Variants in EFHD1 observed in about 807,000 individuals in gnomAD.
The protein encoded by EFHD1 is EF-hand domain family member D1.
Under a neutral mutation model 17.2 loss-of-function variants are expected in EFHD1, and 10 were observed. The ratio of observed to expected loss-of-function variants is 0.58; its 90% confidence interval spans 0.36 to 0.99. The LOEUF (loss-of-function observed/expected upper bound fraction) is 0.99. Ranked by LOEUF, EFHD1 falls within the 50% of genes least tolerant of loss-of-function variation. The probability of loss-of-function intolerance (pLI) is 0.01; values close to 1 mark genes in which losing one functional copy is unlikely to be tolerated. For missense variants in EFHD1, 310 were observed against 327.5 expected, an observed-to-expected ratio of 0.95 and a Z score of 0.41; for synonymous variants, 153 against 142.0, an observed-to-expected ratio of 1.08 and a Z score of -0.55.
intron 1 of EFHD1, among the ~76,000 whole-genome samples, chr2:232,645,763 C>T (rs1574716509): frequency 6.6e-6 from 1 of 152,170 alleles, no homozygotes; most frequent in Admixed American, 6.5e-5. Context: ...AAAGGAGGTA[C>T]GATATCAGAC....
chr2:232,662,309 C>A (rs990774718), intron 1 of EFHD1, among the ~76,000 whole-genome samples: 2 of 152,054 alleles, frequency 1.3e-5, no homozygotes, highest in Non-Finnish European at 2.9e-5. Flanking sequence ...GGGTGGGAAG[C>A]AACTTCCCTA....
intron 2 of EFHD1, among the ~76,000 whole-genome samples, chr2:232,671,089 GAATT>G (rs1458421323): frequency 1.3e-5 from 2 of 152,178 alleles, no homozygotes; most frequent in Admixed American, 6.5e-5. Context: ...CCCACCAGTG[GAATT>G]AATGGTTGGA....
At chr2:232,679,539 AC>A (rs1455914945) in intron 3 of EFHD1, among the ~76,000 whole-genome samples, 1 of 151,530 alleles carries the variant, frequency 6.6e-6, no homozygotes, top group Non-Finnish European at 1.5e-5. Flanking sequence ...ACATAGAGCA[AC>A]CCCATCTCTA....
At chr2:232,614,043 AACAC>A (rs1009734336) in intron 1 of EFHD1, among the ~76,000 whole-genome samples, 77 of 47,886 alleles carry the variant, frequency 1.6e-3, no homozygotes, top group Middle Eastern at 0.013. Context: ...AACATACACA[AACAC>A]ACACATACAT....
intron 1 of EFHD1, among the ~76,000 whole-genome samples, chr2:232,624,328 T>C (rs954689796): frequency 5.3e-5 from 8 of 152,162 alleles, no homozygotes; most frequent in African/African-American, 1.7e-4. Context: ...ACCACAGACA[T>C]GGATGACAGG....
chr2:232,606,781 T>G (rs914256823), intron 1 of EFHD1: 4 of 150,384 alleles, frequency 2.7e-5, no homozygotes, highest in Non-Finnish European at 5.9e-5. Context: ...TCCCAGCTAC[T>G]GGGGAGGCTG....
At position 232,641,176 on chromosome 2, in the gene EFHD1, G is replaced by A. The variant is rs148166264; in HGVS notation, c.302+7170G>A. Among the ~76,000 whole-genome samples, 110 of 152,000 alleles carry A rather than the reference G, an allele frequency of 7.2e-4. 3 individuals carry two copies. In the East Asian group the frequency reaches 0.02, roughly 28 times the overall value. On this transcript the variant is annotated intron_variant, in intron 1 of 3. Coordinates refer to ENST00000264059, the MANE Select transcript of EFHD1 (RefSeq NM_025202.4). ...TCCCGCCTTAGCCTCCTGAGTAACT[G>A]GGACTACAGGCACGACCACCATGCC...
In EFHD1 at chr2:232,627,060, ATATATTTTT is replaced by A. The variant is rs1341069069; in HGVS notation, c.14+20889_14+20897del. Among the ~76,000 whole-genome samples the A allele has an allele frequency of 9.6e-3, 1,128 of 117,592 alleles. 15 individuals are homozygous for A. Among genetic ancestry groups the A allele is most frequent in the African/African-American group, 0.034 (1,050 of 30,512 alleles). The allele number at this position is 117,592 out of a possible 152,430, so 77.1% of individuals were successfully genotyped here. A position where few individuals can be genotyped will look rare whatever the true frequency, so the allele number is the denominator to read the frequency against. The stretch of plus-strand genomic sequence containing the variant: ...TCTATATATATATATATATATATAT[ATATATTTTT>A]TTTTTTTTTTAATTAGCCAGTTGTG... On this transcript the variant is annotated intron_variant, in intron 1 of 3. Coordinates refer to the EFHD1 transcript ENST00000409613.
chr2:232,614,131 T>C (rs901649303), intron 1 of EFHD1, among the ~76,000 whole-genome samples: 5 of 151,666 alleles, frequency 3.3e-5, no homozygotes, highest in African/African-American at 1.2e-4. Context: ...CATACATATG[T>C]ACACACATAC....
intron 2 of EFHD1, among the ~76,000 whole-genome samples, chr2:232,665,024 A>T (rs778766082): frequency 1.3e-5 from 2 of 151,384 alleles, no homozygotes; most frequent in African/African-American, 4.9e-5. Context: ...TGATCCCCCA[A>T]CCTCAGCCTC....
At chr2:232,619,308 CTTTCT>C (rs761509868) in intron 1 of EFHD1, among the ~76,000 whole-genome samples, 29 of 145,260 alleles carry the variant, frequency 2.0e-4, no homozygotes, top group Non-Finnish European at 2.5e-4. Flanking sequence ...TTCTTTCTTT[CTTTCT>C]TTTTTTTTTT....
chr2:232,611,124 G>A (rs1401803132), intron 1 of EFHD1, among the ~76,000 whole-genome samples: 1 of 152,188 alleles, frequency 6.6e-6, no homozygotes, highest in South Asian at 2.1e-4. Flanking sequence ...GCTGCAGTGA[G>A]CTATGATTGT....
chr2:232,651,607 A>G (rs778844190), intron 1 of EFHD1, among the ~76,000 whole-genome samples: 5 of 152,204 alleles, frequency 3.3e-5, no homozygotes, highest in Non-Finnish European at 7.3e-5. Flanking sequence ...TGATGAGCAC[A>G]TTGAGGATTC....
intron 1 of EFHD1, among the ~76,000 whole-genome samples, chr2:232,636,930 G>A (rs911923665): frequency 2.6e-5 from 4 of 152,228 alleles, no homozygotes; most frequent in Non-Finnish European, 5.9e-5. Flanking sequence ...AGTTTGAGCT[G>A]TGGAGTGGTG....
intron 1 of EFHD1, among the ~76,000 whole-genome samples, chr2:232,627,771 T>C (rs958108918): frequency 2.6e-5 from 4 of 152,310 alleles, no homozygotes; most frequent in African/African-American, 7.2e-5. Flanking sequence ...CTTATCAATG[T>C]TATTTATGTT....
intron 1 of EFHD1, among the ~76,000 whole-genome samples, chr2:232,635,994 C>T (rs1414750401): frequency 6.6e-6 from 1 of 152,216 alleles, no homozygotes; most frequent in Non-Finnish European, 1.5e-5. Flanking sequence ...AAAGCCATCA[C>T]TAGCTTCAGG....
intron 1 of EFHD1, among the ~76,000 whole-genome samples, chr2:232,643,216 AT>A (rs138353574): frequency 0.014 from 2,154 of 152,174 alleles, 25 homozygotes; most frequent in Middle Eastern, 0.051. Flanking sequence ...AAAATAAACA[AT>A]GAGGAAATCT....
chr2:232,622,335 G>C (rs538374231), intron 1 of EFHD1, among the ~76,000 whole-genome samples: 5 of 152,212 alleles, frequency 3.3e-5, no homozygotes, highest in Non-Finnish European at 4.4e-5. Context: ...CAGGCATGGT[G>C]GCGGACGCCT....
intron 1 of EFHD1, among the ~76,000 whole-genome samples, chr2:232,660,983 C>T (rs572549869): frequency 3.3e-5 from 5 of 151,280 alleles, no homozygotes; most frequent in Non-Finnish European, 7.4e-5. Flanking sequence ...GTCTCAAAAA[C>T]AAAACAAAAC....
Sources: allele counts gnomAD v4.1 joint callset (sites outside exome capture counted in the v4.1 genomes callset), GRCh38; gene constraint gnomAD v4.1.1; transcripts MANE v1.5; gene names NCBI Gene and HGNC (gene_info 2026-07-23, HGNC 2026-07-21).